The following ERI2 variants were observed in gnomAD, a reference collection of about 807,000 sequenced individuals.
The protein encoded by ERI2 is ERI1 exoribonuclease family member 2.
Under a neutral mutation model 46.8 loss-of-function variants are expected in ERI2, and 35 were observed. The ratio of observed to expected loss-of-function variants is 0.75; its 90% CI spans 0.57 to 0.99. The LOEUF is 0.99. ERI2 is among the 50% of genes least tolerant of loss of function. The pLI is 0.00. For synonymous variants in ERI2, 224 were observed against 271.0 expected (o/e 0.83, Z 1.70); for missense variants, 695 against 796.2 (o/e 0.87, Z 1.53).
At chr16:20,799,408 A>G (rs7198770) in intron 7 of ERI2, 57 bp from the exon 8 acceptor site, 378,065 of 1,493,200 alleles carry the variant, frequency 0.25, 52,773 homozygotes, top group Non-Finnish European at 0.29. Flanking sequence ...TTTCCTTAGT[A>G]CTAAAGAAAT....
chr16:20,793,465 C>T (rs567410949), downstream of ERI2, among the ~76,000 whole-genome samples: 204 of 150,650 alleles, frequency 1.4e-3, 1 homozygote, highest in African/African-American at 4.9e-3. Context: ...CAAGACTCCG[C>T]CTCAAAAAAA....
At chr16:20,792,776 C>G (rs142294908), downstream of ERI2, 2,241 of 897,426 alleles carry the variant, frequency 2.5e-3, 5 homozygotes, top group Non-Finnish European at 2.8e-3. Flanking sequence ...ACTGAGGTAA[C>G]CATAAGCAGT....
intron 3 of ERI2, among the ~76,000 whole-genome samples, 181 bp from the exon 4 acceptor site, chr16:20,803,104 T>C (rs182595114): frequency 5.3e-5 from 8 of 152,314 alleles, no homozygotes; most frequent in African/African-American, 1.9e-4. Flanking sequence ...AGTCAAAATA[T>C]TGAAGTTATG....
chr16:20,789,252 C>G (rs2080540068), intron 10 of ERI2, among the ~76,000 whole-genome samples: 1 of 152,036 alleles, frequency 6.6e-6, no homozygotes, highest in African/African-American at 2.4e-5. Flanking sequence ...CAATCATGCA[C>G]AGTGTTAAAC....
Position 20,800,046 on chromosome 16 carries a change from ATAAAAAAAGATATATTTAAAAGAAGAT to A in ERI2, c.562-35_562-9del. ...TTTTCTCCTATAGAAAAGCTAACCA[ATAAAAAAAGATATATTTAAAAGAAGAT>A]TACTATTTTAAAGACTATGTATTAA... On this transcript the variant is annotated splice_polypyrimidine_tract_variant and intron_variant, in intron 6 of 8. Transcript: ENST00000357967. The A allele has an allele frequency of 9.4e-6, 14 of 1,492,902 alleles. No homozygotes were observed. Among genetic ancestry groups the A allele is most frequent in the Non-Finnish European group, 1.2e-5 (13 of 1,083,882 alleles). 92.5% of individuals were successfully genotyped at this position (1,492,902 alleles called of 1,614,324 possible).
Position 20,797,793 on chromosome 16 carries a change from A to G in ERI2, c.2007T>C (p.His669=). Residue 669 remains histidine, a synonymous_variant, in exon 9 of 9, where the codon CAT becomes CAC. Coordinates refer to ENST00000357967, the MANE Select transcript of ERI2 (RefSeq NM_001142725.2). The stretch of plus-strand genomic sequence containing the variant: ...AAATACTTAAATTTCTGTCACAAAT[A>G]TGGCTTGTTTCTGGAGAACTAAAAG... The part of the protein sequence containing the change: ...GLTFSSPETS[H]ICDRNLSIST... 6.4e-7 allele frequency: 1 copy of G among 1,551,178 alleles called. No individual in the cohort carries two copies. Among genetic ancestry groups the G allele is most frequent in the African/African-American group, 1.4e-5 (1 of 73,160 alleles).
Position 20,796,413 on chromosome 16 carries a change from A to C in ERI2, c.*1311T>G. The stretch of plus-strand genomic sequence containing the variant: ...GTTCTAAATCCTGATTACAAGTCAC[A>C]TGATCAAGAACAACTAATAAAGGAG... On this transcript the variant is annotated 3_prime_UTR_variant, in exon 9 of 9. Coordinates refer to ENST00000357967, the MANE Select transcript of ERI2 (RefSeq NM_001142725.2). 6 of 1,613,896 alleles carry C rather than the reference A, an allele frequency of 3.7e-6. No individual in the cohort carries two copies. Among genetic ancestry groups the C allele is most frequent in the Non-Finnish European group, 5.1e-6 (6 of 1,179,934 alleles).
At chr16:20,789,450 G>T (rs748789951) in intron 10 of ERI2, 2 of 1,521,110 alleles carry the variant, frequency 1.3e-6, no homozygotes, top group Non-Finnish European at 1.8e-6. Context: ...TGGAGAGAGG[G>T]TAAGAGAGCA....
In ERI2 at chr16:20,800,415, C is replaced by T; in HGVS notation, c.461-13G>A. ...CCCAAGTCCCAGTCTGCATTAGGTACATTAAAATAGAACAAAGTCAATGAT... is the reference window on the plus strand; with the variant it reads ...CCCAAGTCCCAGTCTGCATTAGGTATATTAAAATAGAACAAAGTCAATGAT... On this transcript the variant is annotated splice_polypyrimidine_tract_variant and intron_variant, in intron 5 of 8. Coordinates refer to ENST00000357967, the MANE Select transcript of ERI2 (RefSeq NM_001142725.2). 1 of 1,522,088 alleles carries T rather than the reference C, an allele frequency of 6.6e-7. No homozygotes were observed. Among genetic ancestry groups the T allele is most frequent in the Non-Finnish European group, 9.0e-7 (1 of 1,112,258 alleles). 94.3% of individuals were successfully genotyped at this position (1,522,088 alleles called of 1,614,324 possible). A position where few individuals can be genotyped will look rare whatever the true frequency, so the allele number is the denominator to read the frequency against.
At chr16:20,780,435 A>C in exon 11 of ERI2, 1 of 603,956 alleles carries the variant, frequency 1.7e-6, no homozygotes, top group Non-Finnish European at 2.8e-6. Flanking sequence ...TAAAAATCTC[A>C]AGTTTTAAAA....
At chr16:20,788,906 C>T (rs928437511) in intron 10 of ERI2, among the ~76,000 whole-genome samples, 3 of 152,156 alleles carry the variant, frequency 2.0e-5, no homozygotes, top group Admixed American at 1.3e-4. Flanking sequence ...GAAGTTTTTA[C>T]GCTTAGAATT....
intron 7 of ERI2, chr16:20,799,679 A>T (rs1017618853): frequency 6.4e-6 from 3 of 467,438 alleles, no homozygotes; most frequent in Non-Finnish European, 1.1e-5. Context: ...TCACTAGTCC[A>T]TTCTATTATT....
In ERI2 at chr16:20,798,284, A is replaced by C; in HGVS notation, c.1516T>G (p.Ser506Ala). Reference protein sequence around the residue: ...ISAFKLPEHKSSTFNRVNANM... With the variant: ...ISAFKLPEHKASTFNRVNANM... ...GCATTAACTCTGTTGAAGGTACTTG[A>C]TTTGTGTTCAGGTAACTTAAAGGCA... Residue 506 changes from serine to alanine, a missense_variant, in exon 9 of 9, where the codon TCA becomes GCA. Ser to Ala is a moderately conservative substitution (Grantham distance 99, BLOSUM62 1). Coordinates refer to ENST00000357967, the MANE Select transcript of ERI2 (RefSeq NM_001142725.2). 6.4e-7 allele frequency: 1 copy of C among 1,551,554 alleles called. No homozygotes were observed.
chr16:20,796,283 T>A, downstream of ERI2: 6 of 1,545,336 alleles, frequency 3.9e-6, no homozygotes, highest in Non-Finnish European at 5.2e-6. Context: ...CCACCAGGCA[T>A]GTAGATTCTC....
intron 1 of ERI2, among the ~76,000 whole-genome samples, chr16:20,805,419 CAAAAAA>C (rs55794423): frequency 0.49 from 64,315 of 131,288 alleles, 16,177 homozygotes; most frequent in Non-Finnish European, 0.62. Context: ...AACTCCGTCT[CAAAAAA>C]AAAAAAAAAG....
chr16:20,785,090 T>C (rs1337484679), intron 10 of ERI2: 1 of 1,613,346 alleles, frequency 6.2e-7, no homozygotes, highest in Admixed American at 1.7e-5. Flanking sequence ...CTACGAAGGA[T>C]ATGGACAGAC....
rs1401627071 is a variant in ERI2 at position 20,797,025 on chromosome 16, T to G, written c.*699A>C. 7 of 1,588,128 alleles carry G rather than the reference T, an allele frequency of 4.4e-6. No homozygotes were observed. In the East Asian group the frequency reaches 1.6e-4, roughly 36 times the overall value. ...AAAACAAACATAGTATCTGTCAATC[T>G]CTAGAAACCACAAGATGATGGAGAG... On this transcript the variant is annotated 3_prime_UTR_variant, in exon 9 of 9. Transcript: ENST00000357967.
At chr16:20,785,710 A>G (rs1465650229) in intron 10 of ERI2, among the ~76,000 whole-genome samples, 1 of 152,246 alleles carries the variant, frequency 6.6e-6, no homozygotes, top group Non-Finnish European at 1.5e-5. Context: ...ATGTGTCTTT[A>G]TAATGCTTCA....
At position 20,798,719 on chromosome 16, in the gene ERI2, G is replaced by A. The variant is rs1195949906; in HGVS notation, c.1081C>T (p.His361Tyr). The change falls in exon 9 of 9, where the codon CAT (histidine) becomes TAT (tyrosine). Residue 361 changes from histidine (H) to tyrosine (Y), a missense_variant. Coordinates refer to ENST00000357967, the MANE Select transcript of ERI2 (RefSeq NM_001142725.2). ...TTAGATTTGGTATTAAATGCAAGAT[G>A]TTCATTTTTTCCTTGCTTTTGCATA... ...IYMQKQGKNEHLAFNTKSKAS... is the reference protein window; with the variant it reads ...IYMQKQGKNEYLAFNTKSKAS... 1 of 1,551,626 alleles carries A rather than the reference G, an allele frequency of 6.4e-7. No individual in the cohort carries two copies.
Sources: allele counts gnomAD v4.1 joint callset (sites outside exome capture counted in the v4.1 genomes callset), GRCh38; gene constraint gnomAD v4.1.1; transcripts MANE v1.5; gene names NCBI Gene and HGNC (gene_info 2026-07-23, HGNC 2026-07-21).